The following EPB41 variants were observed in gnomAD, a reference collection of about 807,000 sequenced individuals.
EPB41 encodes erythrocyte membrane protein band 4.1, also known as protein 4.1.
EPB41 carries 65 observed loss-of-function variants against 108.0 expected under a neutral mutation model. That is an observed-to-expected ratio of 0.60 (90% CI 0.49 to 0.74). EPB41 has a LOEUF of 0.74. Among genes scored for constraint, EPB41 ranks in the 30% least tolerant of loss-of-function variants. EPB41 has a pLI of 0.00. For synonymous variants in EPB41, 336 were observed against 358.9 expected, an observed-to-expected ratio of 0.94 and a Z score of 0.72; for missense variants, 875 against 1,037.0, an observed-to-expected ratio of 0.84 and a Z score of 2.15.
intron 16 of EPB41, 66 bp from the exon 17 acceptor site, chr1:29,097,741 G>A: frequency 1.3e-6 from 2 of 1,564,558 alleles, no homozygotes; most frequent in South Asian, 2.2e-5. Flanking sequence ...TCAGATCAGT[G>A]TCAGAAGATT....
intron 1 of EPB41, among the ~76,000 whole-genome samples, chr1:28,894,745 T>A (rs2090482687): frequency 6.6e-6 from 1 of 152,148 alleles, no homozygotes; most frequent in Non-Finnish European, 1.5e-5. Context: ...GTGATGTACA[T>A]ATCACAACAC....
rs145878835 is a variant in EPB41, at chr1:28,986,293, G to A, written c.-7-1138G>A. 3.8e-3 allele frequency among the ~76,000 whole-genome samples: 573 copies of A among 152,268 alleles called. 6 individuals carry two copies. Among genetic ancestry groups the A allele is most frequent in the African/African-American group, 0.013 (532 of 41,552 alleles). ...TGATAGCAGTGAATCAAAGCATAAG[G>A]TCATCAATAGTCGACTTCATTGCCC... On this transcript the variant is annotated intron_variant, in intron 1 of 20. Transcript: ENST00000343067.
At chr1:28,975,384 C>G (rs2095580229) in intron 1 of EPB41, among the ~76,000 whole-genome samples, 1 of 152,076 alleles carries the variant, frequency 6.6e-6, no homozygotes, top group Non-Finnish European at 1.5e-5. Flanking sequence ...GTTCTTAAAC[C>G]TTGGTTGCAA....
At chr1:28,998,370 C>T (rs2149703541) in intron 4 of EPB41, among the ~76,000 whole-genome samples, 1 of 152,178 alleles carries the variant, frequency 6.6e-6, no homozygotes, top group South Asian at 2.1e-4. Context: ...AGGTATACGT[C>T]CAGGTTGCGG....
At chr1:28,896,783 T>C (rs372627638) in intron 1 of EPB41, among the ~76,000 whole-genome samples, 1 of 151,824 alleles carries the variant, frequency 6.6e-6, no homozygotes, top group African/African-American at 2.4e-5. Context: ...AGGTGAGAGA[T>C]GCCGAGATCT....
At chr1:29,025,616 A>G (rs1558062995) in intron 7 of EPB41, among the ~76,000 whole-genome samples, 1 of 152,036 alleles carries the variant, frequency 6.6e-6, no homozygotes, top group South Asian at 2.1e-4. Flanking sequence ...AATCTTTCAA[A>G]TATATGTGTT....
intron 1 of EPB41, among the ~76,000 whole-genome samples, chr1:28,892,021 A>AGGT (rs2090165280): frequency 7.3e-6 from 1 of 137,230 alleles, no homozygotes. Context: ...TGAACCGAGG[A>AGGT]GGCGGAGGTT....
chr1:28,926,727 C>A (rs892606014), intron 1 of EPB41, among the ~76,000 whole-genome samples: 1 of 152,178 alleles, frequency 6.6e-6, no homozygotes, highest in African/African-American at 2.4e-5. Flanking sequence ...ATGTTAGTTC[C>A]CTTTTCCCTT....
At chr1:28,979,714 CT>C (rs34603544) in intron 1 of EPB41, among the ~76,000 whole-genome samples, 47,049 of 145,208 alleles carry the variant, frequency 0.32, 9,081 homozygotes, top group East Asian at 0.85. Context: ...ACTGTCCTCA[CT>C]TTTTTTTTTT....
chr1:29,085,336 G>A (rs1400593020), intron 16 of EPB41, among the ~76,000 whole-genome samples: 2 of 151,622 alleles, frequency 1.3e-5, no homozygotes, highest in Non-Finnish European at 2.9e-5. Context: ...GTGGAGATGG[G>A]GTTTCACCAT....
chr1:28,894,767 A>T (rs1557608642), intron 1 of EPB41, among the ~76,000 whole-genome samples: 1 of 152,120 alleles, frequency 6.6e-6, no homozygotes, highest in Non-Finnish European at 1.5e-5. Context: ...TTCCCCGCAT[A>T]GGTGTGGGAA....
intron 16 of EPB41, 53 bp from the exon 17 acceptor site, chr1:29,097,754 T>C: frequency 6.2e-7 from 1 of 1,602,018 alleles, no homozygotes; most frequent in Non-Finnish European, 8.6e-7. Flanking sequence ...AGAAGATTAC[T>C]TCTCCATTGC....
intron 1 of EPB41, among the ~76,000 whole-genome samples, chr1:28,897,583 C>T (rs1169120852): frequency 1.9e-5 from 2 of 105,462 alleles, no homozygotes; most frequent in Admixed American, 1.1e-4. Flanking sequence ...GGAAGGGAAG[C>T]GGAGGGAAGG....
chr1:29,100,713 TATA>T (rs1467565306), intron 17 of EPB41, among the ~76,000 whole-genome samples: 2 of 146,502 alleles, frequency 1.4e-5, no homozygotes, highest in Non-Finnish European at 3.0e-5. Flanking sequence ...TAATACAACA[TATA>T]ATTATATTAA....
intron 15 of EPB41, among the ~76,000 whole-genome samples, chr1:29,061,158 T>G (rs1254744491): frequency 1.3e-5 from 2 of 152,214 alleles, no homozygotes; most frequent in Non-Finnish European, 2.9e-5. Flanking sequence ...CCAACTCTAT[T>G]AAACTACACT....
In EPB41 at chr1:28,982,395, C is replaced by T. The variant is rs576715179; in HGVS notation, c.-7-5036C>T. 106 of 733,678 alleles carry T rather than the reference C, an allele frequency of 1.4e-4. 1 individual carries two copies. The highest frequency in any genetic ancestry group is 1.2e-3 in the South Asian group (89 of 73,996). 45.4% of individuals were successfully genotyped at this position (733,678 alleles called of 1,614,324 possible). On this transcript the variant is annotated intron_variant, in intron 1 of 20. Coordinates refer to ENST00000343067, the MANE Select transcript of EPB41 (RefSeq NM_001376013.1). ...TTAGGTGATTGTAGTTACAAACTTT[C>T]GCAAAAGACTTGATCTTTGACCCCT...
At chr1:29,060,619 CT>C in intron 15 of EPB41, 135 bp downstream of exon 15, 1 of 733,980 alleles carries the variant, frequency 1.4e-6, no homozygotes, top group African/African-American at 1.8e-5. Context: ...GTTTAAAATG[CT>C]TTTGCATGTT....
At chr1:29,098,053 T>C in intron 17 of EPB41, 118 bp downstream of exon 17, 2 of 1,429,224 alleles carry the variant, frequency 1.4e-6, no homozygotes, top group Non-Finnish European at 1.9e-6. Flanking sequence ...GGCAGTTCTT[T>C]TTAGAAGAGA....
chr1:29,048,878 A>T (rs1643999325), intron 11 of EPB41, among the ~76,000 whole-genome samples: 1 of 152,020 alleles, frequency 6.6e-6, no homozygotes. Flanking sequence ...TTCTCTTTGT[A>T]CTATAGTATA....
Sources: allele counts gnomAD v4.1 joint callset (sites outside exome capture counted in the v4.1 genomes callset), GRCh38; gene constraint gnomAD v4.1.1; transcripts MANE v1.5; gene names NCBI Gene and HGNC (gene_info 2026-07-23, HGNC 2026-07-21).